COG5: variants seen among roughly 807,000 people sequenced by gnomAD.
COG5 encodes conserved oligomeric Golgi complex subunit 5.
A neutral mutation model predicts 110.4 loss-of-function variants in COG5; 86 were observed. The ratio of observed to expected loss-of-function variants is 0.78; its 90% CI spans 0.65 to 0.93. The LOEUF is 0.93. COG5 is among the 40% of genes least tolerant of loss of function. The pLI is 0.00. For missense variants in COG5, 1,077 were observed against 987.0 expected (o/e 1.09, Z -1.22); for synonymous variants, 360 against 334.6 (o/e 1.08, Z -0.83).
intron 6 of COG5, among the ~76,000 whole-genome samples, chr7:107,455,097 G>A (rs2129096371): frequency 6.6e-6 from 1 of 152,268 alleles, no homozygotes; most frequent in African/African-American, 2.4e-5. Context: ...TCAACTAAAA[G>A]TACATAATAA....
chr7:107,503,800 G>C lies in COG5; in HGVS notation c.538+23437C>G, dbSNP rs574060059. On this transcript the variant is annotated intron_variant, in intron 6 of 21. Coordinates refer to ENST00000297135, the MANE Select transcript of COG5 (RefSeq NM_006348.5). ...TTCTTGATTTGATTCTCAGCTTGGT[G>C]GTTGGTGTGTAGCAGTGCTACTGAT... Among the ~76,000 whole-genome samples, 3 of 152,140 alleles carry C rather than the reference G, an allele frequency of 2.0e-5. No homozygotes were observed. The East Asian group carries it at 5.8e-4, about 29-fold the overall frequency.
At chr7:107,537,466 A>C (rs1234048223) in intron 5 of COG5, among the ~76,000 whole-genome samples, 1 of 152,176 alleles carries the variant, frequency 6.6e-6, no homozygotes, top group Non-Finnish European at 1.5e-5. Context: ...GGAAACCATC[A>C]TTCTCAGCAA....
intron 6 of COG5, among the ~76,000 whole-genome samples, chr7:107,492,204 T>TGTGTGTGTGTGTGTGTGTG (rs1563064575): frequency 2.7e-5 from 4 of 150,506 alleles, no homozygotes; most frequent in Non-Finnish European, 3.0e-5. Context: ...TGTGTGTGTG[T>TGTGTGTGTGTGTGTGTGTG]AGTTTATTTT....
chr7:107,561,085 G>A (rs1170392265), intron 1 of COG5, among the ~76,000 whole-genome samples: 1 of 152,180 alleles, frequency 6.6e-6, no homozygotes, highest in African/African-American at 2.4e-5. Context: ...GATAAAGAAA[G>A]TAAGTATTAG....
At chr7:107,350,210 C>T (rs1023625575) in intron 10 of COG5, among the ~76,000 whole-genome samples, 5 of 152,114 alleles carry the variant, frequency 3.3e-5, no homozygotes, top group African/African-American at 1.2e-4. Flanking sequence ...TTGGATCCTC[C>T]GTAATTTTTA....
chr7:107,282,777 T>C (rs1365568310), intron 13 of COG5, among the ~76,000 whole-genome samples: 3 of 152,184 alleles, frequency 2.0e-5, no homozygotes, highest in African/African-American at 7.2e-5. Flanking sequence ...CCTCCCAAAG[T>C]GCTGGGATTA....
At chr7:107,239,278 T>C (rs1369232113) in intron 17 of COG5, among the ~76,000 whole-genome samples, 5 of 152,208 alleles carry the variant, frequency 3.3e-5, no homozygotes, top group Non-Finnish European at 7.4e-5. Context: ...TGACTATAAA[T>C]GTGTGAGCTC....
At chr7:107,451,496 T>C (rs570621795) in intron 6 of COG5, among the ~76,000 whole-genome samples, 134 of 152,108 alleles carry the variant, frequency 8.8e-4, no homozygotes, top group African/African-American at 3.1e-3. Flanking sequence ...TTTAGAGAAA[T>C]GAAAAAGCAA....
Position 107,344,673 on chromosome 7 carries a change from C to T in COG5, c.1026+17360G>A, listed in dbSNP as rs146854726. ...CTGAGTAGCTGGGATTACAGGCATG[C>T]GCCACCACACCTGGTTAATTTTGTA... On this transcript the variant is annotated intron_variant, in intron 10 of 21. Transcript: ENST00000297135. Among the ~76,000 whole-genome samples, 1,219 of 152,204 alleles carry T rather than the reference C, an allele frequency of 8.0e-3. 16 individuals carry two copies. Among genetic ancestry groups the T allele is most frequent in the African/African-American group, 0.025 (1,047 of 41,508 alleles).
intron 1 of COG5, among the ~76,000 whole-genome samples, chr7:107,560,669 C>T (rs2253269): frequency 0.29 from 43,895 of 151,908 alleles, 6,342 homozygotes; most frequent in East Asian, 0.33. Flanking sequence ...GAGAGAAGAA[C>T]AGAAAAAGTG....
chr7:107,280,123 G>A (rs1805048190), intron 14 of COG5, among the ~76,000 whole-genome samples: 1 of 151,888 alleles, frequency 6.6e-6, no homozygotes, highest in South Asian at 2.1e-4. Context: ...TTTTGAAGCA[G>A]TGAACATTAT....
At chr7:107,456,845 G>A (rs999965556) in intron 6 of COG5, among the ~76,000 whole-genome samples, 2 of 152,176 alleles carry the variant, frequency 1.3e-5, no homozygotes, top group Non-Finnish European at 2.9e-5. Flanking sequence ...AATAACAGGA[G>A]CATTCAATAT....
chr7:107,275,358 G>C (rs1340944165), intron 14 of COG5, among the ~76,000 whole-genome samples: 1 of 151,158 alleles, frequency 6.6e-6, no homozygotes, highest in Non-Finnish European at 1.5e-5. Context: ...GTATCACAGA[G>C]AAAGTGCGTT....
intron 10 of COG5, among the ~76,000 whole-genome samples, chr7:107,325,926 G>C (rs973234887): frequency 6.6e-6 from 1 of 152,024 alleles, no homozygotes; most frequent in African/African-American, 2.4e-5. Context: ...CTTATGCAAC[G>C]ATCAGAAAAT....
chr7:107,385,805 C>A (rs200320604), intron 7 of COG5, among the ~76,000 whole-genome samples: 10 of 122,312 alleles, frequency 8.2e-5, no homozygotes, highest in African/African-American at 1.8e-4. Context: ...TTGTTATTTT[C>A]TTTTTTTTTT....
chr7:107,347,469 A>G (rs377172360), intron 10 of COG5, among the ~76,000 whole-genome samples: 2 of 152,342 alleles, frequency 1.3e-5, no homozygotes, highest in South Asian at 4.1e-4. Flanking sequence ...AGATTTTGAT[A>G]GGTCTGCAAT....
rs1798490209 is a variant in COG5, at chr7:107,203,257, T to G, written c.*259A>C. The G allele has an allele frequency of 4.0e-6, 2 of 496,094 alleles. No individual in the cohort carries two copies. The highest frequency in any genetic ancestry group is 4.2e-5 in the South Asian group (2 of 47,680). 30.7% of individuals were successfully genotyped at this position (496,094 alleles called of 1,614,324 possible). On this transcript the variant is annotated 3_prime_UTR_variant, in exon 22 of 22. Coordinates refer to ENST00000297135, the MANE Select transcript of COG5 (RefSeq NM_006348.5). The stretch of plus-strand genomic sequence containing the variant: ...CTTGGTTATGGATGGGAAAGACATT[T>G]TAGCCTTGTACAAAAATCTGAAAGA...
intron 20 of COG5, 46 bp downstream of exon 20, chr7:107,211,053 A>C (rs1234194246): frequency 3.7e-6 from 6 of 1,607,274 alleles, no homozygotes; most frequent in Non-Finnish European, 3.4e-6. Flanking sequence ...TCACACAGGT[A>C]ATGGGAAGAG....
rs547089063 is a variant in COG5 at position 107,393,007 on chromosome 7, T to C, written c.669+19495A>G. Among the ~76,000 whole-genome samples, 113 of 152,338 alleles carry C rather than the reference T, an allele frequency of 7.4e-4. 3 individuals are homozygous for C. In the South Asian group the frequency reaches 0.015, roughly 21 times the overall value. On this transcript the variant is annotated intron_variant, in intron 7 of 21. Coordinates refer to ENST00000297135, the MANE Select transcript of COG5 (RefSeq NM_006348.5). ...TCACTGTGTTCTCTGGGGAGCTTGATGGTTTTAAGCAAGCAGAGAACAGTT... is the reference window on the plus strand; with the variant it reads ...TCACTGTGTTCTCTGGGGAGCTTGACGGTTTTAAGCAAGCAGAGAACAGTT...
Sources: gnomAD v4.1 joint callset for allele counts (sites outside exome capture counted in the v4.1 genomes callset) on GRCh38, gnomAD v4.1.1 for gene constraint, MANE v1.5 for transcripts, NCBI Gene and HGNC (gene_info 2026-07-23, HGNC 2026-07-21) for gene names.